PSMD4: variants seen among roughly 807,000 people sequenced by gnomAD.
PSMD4 encodes the protein 26S proteasome non-ATPase regulatory subunit 4.
PSMD4 carries 5 observed loss-of-function variants against 39.7 expected under a neutral mutation model. The ratio of observed to expected loss-of-function variants is 0.13; its 90% CI spans 0.07 to 0.26. The LOEUF (loss-of-function observed/expected upper bound fraction) is 0.26. Among genes scored for constraint, PSMD4 ranks in the 10% least tolerant of loss-of-function variants. The pLI is 1.00. For missense variants in PSMD4, 272 were observed against 486.1 expected (o/e 0.56, Z 4.14); for synonymous variants, 143 against 174.6 (o/e 0.82, Z 1.43).
At chr1:151,255,766 C>A (rs587648486) in intron 1 of PSMD4, among the ~76,000 whole-genome samples, 15 of 152,074 alleles carry the variant, frequency 9.9e-5, no homozygotes, top group Middle Eastern at 6.8e-3. Flanking sequence ...GCTCTGTCTC[C>A]CGGACTGGAG....
Position 151,266,009 on chromosome 1 carries a change from TC to T in PSMD4, c.661del (p.Arg221ValfsTer41). On this transcript the variant is annotated frameshift_variant, in exon 7 of 10. Coordinates refer to ENST00000368884, the MANE Select transcript of PSMD4 (RefSeq NM_002810.4). LOFTEE classifies it high-confidence loss of function. ...SADPELALALRVSMEEQRQRQ... is the reference protein window; with the variant it reads ...SADPELALALXVSMEEQRQRQ... The stretch of plus-strand genomic sequence containing the variant: ...TATGCCCTGCCCTTCACCAGGCCCT[TC>T]GTGTATCTATGGAAGAGCAGCGGCA... 1 of 1,592,696 alleles carries T rather than the reference TC, an allele frequency of 6.3e-7. No individual in the cohort carries two copies. Among genetic ancestry groups the T allele is most frequent in the Non-Finnish European group, 8.6e-7 (1 of 1,169,190 alleles).
chr1:151,254,750 G>T lies in PSMD4; in HGVS notation c.-33G>T. ...GGAGGAGTTGTTGTTAGGCCGTCCC[G>T]GAGACCCGGTCGGGAGGGAGGAAGG... is the stretch of plus-strand genomic sequence containing the variant. On this transcript the variant is annotated 5_prime_UTR_variant, in exon 1 of 10. Transcript: ENST00000368884. The T allele has an allele frequency of 6.4e-7, 1 of 1,553,784 alleles. No homozygotes were observed. Among genetic ancestry groups the T allele is most frequent in the East Asian group, 2.5e-5 (1 of 40,238 alleles).
chr1:151,256,358 AATAAT>A (rs1466864541), intron 1 of PSMD4, among the ~76,000 whole-genome samples: 5,810 of 37,354 alleles, frequency 0.16, 294 homozygotes, highest in Non-Finnish European at 0.23. Flanking sequence ...AAAAAAAAAT[AATAAT>A]AAAATAAATA....
chr1:151,256,596 G>A (rs193154599), intron 1 of PSMD4, among the ~76,000 whole-genome samples: 1 of 150,328 alleles, frequency 6.7e-6, no homozygotes, highest in East Asian at 2.0e-4. Context: ...CCGCCACCAC[G>A]CCCAGCTTTT....
intron 1 of PSMD4, among the ~76,000 whole-genome samples, chr1:151,261,247 A>G (rs765916027): frequency 7.6e-6 from 1 of 131,846 alleles, no homozygotes; most frequent in Non-Finnish European, 1.5e-5. Context: ...CAATGGTGTG[A>G]TCACCACAAC....
chr1:151,261,913 C>T (rs977517809), intron 1 of PSMD4, among the ~76,000 whole-genome samples: 20 of 149,588 alleles, frequency 1.3e-4, no homozygotes, highest in African/African-American at 4.2e-4. Flanking sequence ...CATTAGTGCA[C>T]CACTCTACTC....
At position 151,254,757 on chromosome 1, in the gene PSMD4, C is replaced by T. The variant is rs758184840; in HGVS notation, c.-26C>T. ...TTGTTGTTAGGCCGTCCCGGAGACC[C>T]GGTCGGGAGGGAGGAAGGTGGCAAG... On this transcript the variant is annotated 5_prime_UTR_variant, in exon 1 of 10. Coordinates refer to ENST00000368884, the MANE Select transcript of PSMD4 (RefSeq NM_002810.4). 3 of 1,555,118 alleles carry T rather than the reference C, an allele frequency of 1.9e-6. No homozygotes were observed. Among genetic ancestry groups the T allele is most frequent in the Non-Finnish European group, 2.6e-6 (3 of 1,150,700 alleles).
intron 2 of PSMD4, among the ~76,000 whole-genome samples, chr1:151,263,213 C>A (rs1371398388): frequency 6.6e-6 from 1 of 152,136 alleles, no homozygotes; most frequent in South Asian, 2.1e-4. Flanking sequence ...CCTGTAATCC[C>A]TGCATTCTGG....
Position 151,262,203 on chromosome 1 carries a change from C to A in PSMD4, c.69C>A (p.Pro23=), listed in dbSNP as rs748927812. 6.2e-7 allele frequency: 1 copy of A among 1,614,136 alleles called. No individual in the cohort carries two copies. The highest frequency in any genetic ancestry group is 8.5e-7 in the Non-Finnish European group (1 of 1,180,026). The part of the protein sequence containing the change: ...SEYMRNGDFL[P]TRLQAQQDAV... ...ATATGCGGAATGGAGACTTCTTACC[C>A]ACCAGGCTGCAGGCCCAGCAGGATG... Residue 23 remains proline, a synonymous_variant, in exon 2 of 10, where the codon CCC becomes CCA. Coordinates refer to ENST00000368884, the MANE Select transcript of PSMD4 (RefSeq NM_002810.4).
intron 4 of PSMD4, 88 bp from the exon 5 acceptor site, chr1:151,265,078 A>G (rs1414447986): frequency 7.3e-7 from 1 of 1,362,350 alleles, no homozygotes. Flanking sequence ...GGGGAGGTCA[A>G]TAGATTTCTG....
intron 1 of PSMD4, among the ~76,000 whole-genome samples, chr1:151,256,121 ATCACCTGAGG>A (rs1693160837): frequency 6.6e-6 from 1 of 151,598 alleles, no homozygotes; most frequent in South Asian, 2.1e-4. Flanking sequence ...AAGTGGGTGT[ATCACCTGAGG>A]TCAGGAGTTA....
At chr1:151,260,611 A>G (rs140074981) in intron 1 of PSMD4, among the ~76,000 whole-genome samples, 1,633 of 152,136 alleles carry the variant, frequency 0.011, 30 homozygotes, top group African/African-American at 0.037. Flanking sequence ...TCTTGGCTCA[A>G]TGCAGCCTCC....
chr1:151,256,455 T>C (rs1167851821), intron 1 of PSMD4, among the ~76,000 whole-genome samples: 118 of 150,590 alleles, frequency 7.8e-4, no homozygotes, highest in African/African-American at 2.8e-3. Context: ...TTTTTCTCTT[T>C]GAGAAGGAGT....
Position 151,266,307 on chromosome 1 carries a change from G to A in PSMD4, c.764-1G>A, listed in dbSNP as rs1285067087. 5 of 1,614,046 alleles carry A rather than the reference G, an allele frequency of 3.1e-6. No individual in the cohort carries two copies. Among genetic ancestry groups the A allele is most frequent in the Non-Finnish European group, 4.2e-6 (5 of 1,180,050 alleles). On this transcript the variant is annotated splice_acceptor_variant, in intron 7 of 9. Coordinates refer to ENST00000368884, the MANE Select transcript of PSMD4 (RefSeq NM_002810.4). LOFTEE classifies it high-confidence loss of function. The stretch of plus-strand genomic sequence containing the variant: ...CCCTGCTCCTCTTTTCCTTTTCCCA[G>A]ACTCAGACGATGCCCTGCTGAAGAT...
chr1:151,266,189 G>A (rs1479960355), intron 7 of PSMD4, 77 bp downstream of exon 7: 1 of 1,589,794 alleles, frequency 6.3e-7, no homozygotes, highest in Non-Finnish European at 8.6e-7. Context: ...ACTGCAGGGA[G>A]AGTGTGGAGG....
chr1:151,260,703 CTT>C (rs1305360250), intron 1 of PSMD4, among the ~76,000 whole-genome samples: 3 of 151,430 alleles, frequency 2.0e-5, no homozygotes, highest in Non-Finnish European at 4.4e-5. Flanking sequence ...GCCCGGCTAA[CTT>C]TTATATTTTT....
In PSMD4 at chr1:151,266,541, C is replaced by T; in HGVS notation, c.917C>T (p.Ala306Val). The change falls in exon 9 of 10, where the codon GCA becomes GTA. Residue 306 changes from alanine (A) to valine (V), a missense_variant. Around this residue, in one of 3 missense-constraint regions of PSMD4, gnomAD observed 113 missense variants for 184.6 expected, o/e 0.61. Transcript: ENST00000368884. Reference protein sequence around the residue: ...QGAEFGQAESADIDASSAMDT... With the variant: ...QGAEFGQAESVDIDASSAMDT... ...TCAGAGTTTGGCCAGGCGGAATCAG[C>T]AGACATTGATGCCAGCTCAGCTATG... is the stretch of plus-strand genomic sequence containing the variant. 6.2e-7 allele frequency: 1 copy of T among 1,614,208 alleles called. No homozygotes were observed. The highest frequency in any genetic ancestry group is 8.5e-7 in the Non-Finnish European group (1 of 1,180,038).
chr1:151,265,657 C>G, intron 6 of PSMD4, 48 bp downstream of exon 6: 1 of 1,565,708 alleles, frequency 6.4e-7, no homozygotes, highest in African/African-American at 1.4e-5. Flanking sequence ...CCTCTTTGTT[C>G]TCTTCTGGCA....
intron 4 of PSMD4, 61 bp downstream of exon 4, chr1:151,264,979 G>T: frequency 6.8e-7 from 1 of 1,476,288 alleles, no homozygotes. Context: ...AGGTCTTCCA[G>T]CCCTCAGGAG....
Sources: allele counts gnomAD v4.1 joint callset (sites outside exome capture counted in the v4.1 genomes callset), GRCh38; gene constraint gnomAD v4.1.1; regional missense constraint gnomAD v4.1.1; transcripts MANE v1.5; gene names NCBI Gene and HGNC (gene_info 2026-07-23, HGNC 2026-07-21).